ZNF609: variants seen among roughly 807,000 people sequenced by gnomAD.
ZNF609 encodes the protein zinc finger protein 609.
In ZNF609, 11 loss-of-function variants were observed where a neutral mutation model predicts 109.5. That is an observed-to-expected ratio of 0.10 (90% CI 0.06 to 0.17). The LOEUF (loss-of-function observed/expected upper bound fraction) is 0.17, where lower values mean the gene tolerates loss of function less well. Among genes scored for constraint, ZNF609 ranks in the 10% least tolerant of loss-of-function variants. The pLI, the probability that ZNF609 is intolerant of heterozygous loss-of-function variation, is 1.00. For synonymous variants in ZNF609, 646 were observed against 662.0 expected (o/e 0.98, Z 0.37); for missense variants, 1,559 against 1,772.4 (o/e 0.88, Z 2.16).
chr15:64,588,445 G>A (rs202183286), intron 2 of ZNF609, among the ~76,000 whole-genome samples: 1,358 of 23,406 alleles, frequency 0.058, no homozygotes, highest in East Asian at 0.12. Flanking sequence ...AAAAAAAAAA[G>A]AAGAGGAAGA....
intron 2 of ZNF609, among the ~76,000 whole-genome samples, chr15:64,533,270 C>T (rs1027852488): frequency 6.6e-6 from 1 of 152,086 alleles, no homozygotes; most frequent in African/African-American, 2.4e-5. Context: ...AGGCTGGTCT[C>T]GAACTCATGG....
chr15:64,546,174 CTGTT>C (rs1421991072), intron 2 of ZNF609, among the ~76,000 whole-genome samples: 2 of 152,110 alleles, frequency 1.3e-5, no homozygotes, highest in African/African-American at 4.8e-5. Flanking sequence ...TTGATACTGT[CTGTT>C]GTTTTCTTTT....
chr15:64,512,344 C>CT (rs1398330112), intron 2 of ZNF609, among the ~76,000 whole-genome samples: 1 of 151,906 alleles, frequency 6.6e-6, no homozygotes, highest in Non-Finnish European at 1.5e-5. Context: ...GCTATTTGAG[C>CT]TTTTTTTTCT....
intron 2 of ZNF609, among the ~76,000 whole-genome samples, chr15:64,524,034 G>A (rs1595707118): frequency 6.8e-6 from 1 of 146,308 alleles, no homozygotes; most frequent in Admixed American, 6.8e-5. Context: ...TCCTCATACA[G>A]TTTTTTTAAA....
At chr15:64,568,335 T>C (rs1208066674) in intron 2 of ZNF609, among the ~76,000 whole-genome samples, 1 of 152,174 alleles carries the variant, frequency 6.6e-6, no homozygotes, top group Non-Finnish European at 1.5e-5. Flanking sequence ...ACCTTATTGT[T>C]CCTTGTCACT....
rs1555413999 is a variant in ZNF609 at position 64,478,155 on chromosome 15, G to GGGGT, written c.-128+17318_-128+17319insGGTG. 4.8e-4 allele frequency among the ~76,000 whole-genome samples: 67 copies of GGGGT among 138,308 alleles called. 2 individuals carry two copies. Among genetic ancestry groups the GGGGT allele is most frequent in the East Asian group, 2.9e-3 (13 of 4,436 alleles). 90.7% of individuals were successfully genotyped at this position (138,308 alleles called of 152,430 possible). A position where few individuals can be genotyped will look rare whatever the true frequency, so the allele number is the denominator to read the frequency against. On this transcript the variant is annotated intron_variant, in intron 1 of 9. Coordinates refer to ENST00000326648, the MANE Select transcript of ZNF609 (RefSeq NM_015042.2). ...TTTTCATATTTAATTTTAGAATAAA[G>GGGGT]GTGTGTGTGTGTGTGTGTGTGTGTG...
At chr15:64,500,614 G>A in intron 2 of ZNF609, 1 of 581,230 alleles carries the variant, frequency 1.7e-6, no homozygotes, top group Admixed American at 3.1e-5. Flanking sequence ...TGGGATAAAT[G>A]GTGCTGTTGG....
At chr15:64,680,468 C>G in intron 7 of ZNF609, 108 bp downstream of exon 7, 1 of 1,439,820 alleles carries the variant, frequency 6.9e-7, no homozygotes, top group Non-Finnish European at 9.5e-7. Flanking sequence ...TGCAGCTTGG[C>G]TGACTTGACA....
intron 2 of ZNF609, among the ~76,000 whole-genome samples, chr15:64,585,239 C>T (rs955491000): frequency 6.6e-6 from 1 of 151,976 alleles, no homozygotes; most frequent in African/African-American, 2.4e-5. Flanking sequence ...GCACAAGAAT[C>T]ACTTGAACCT....
Position 64,524,580 on chromosome 15 carries a change from G to T in ZNF609, c.747+24414G>T, listed in dbSNP as rs374668213. On this transcript the variant is annotated intron_variant, in intron 2 of 9. Coordinates refer to ENST00000326648, the MANE Select transcript of ZNF609 (RefSeq NM_015042.2). ...CTCCATCTCAAAAAAAAAAAAAAAG[G>T]GGGGGGCCTTTTGTGTCTGACTCCT... 5.9e-5 allele frequency among the ~76,000 whole-genome samples: 9 copies of T among 151,568 alleles called. No individual in the cohort carries two copies. The East Asian group carries it at 1.2e-3, about 20-fold the overall frequency.
At chr15:64,629,448 G>T (rs992164862) in intron 3 of ZNF609, among the ~76,000 whole-genome samples, 1 of 152,180 alleles carries the variant, frequency 6.6e-6, no homozygotes, top group African/African-American at 2.4e-5. Context: ...TCTAGGGCTG[G>T]TATGATGACA....
chr15:64,645,278 A>AT (rs1363574140), intron 3 of ZNF609, among the ~76,000 whole-genome samples: 2 of 151,718 alleles, frequency 1.3e-5, no homozygotes, highest in Non-Finnish European at 2.9e-5. Context: ...TTTTGTAGAG[A>AT]TGGGGTCTCA....
intron 2 of ZNF609, among the ~76,000 whole-genome samples, chr15:64,548,197 C>T (rs901977502): frequency 6.6e-6 from 1 of 152,136 alleles, no homozygotes; most frequent in African/African-American, 2.4e-5. Flanking sequence ...TCAACAGTTA[C>T]AAACACAAAG....
rs960302601 is a variant in ZNF609, at chr15:64,625,519, A to G, written c.973+2467A>G. 5.9e-5 allele frequency among the ~76,000 whole-genome samples: 9 copies of G among 152,034 alleles called. No individual in the cohort carries two copies. In the East Asian group the frequency reaches 1.5e-3, roughly 26 times the overall value. On this transcript the variant is annotated intron_variant, in intron 3 of 9. Transcript: ENST00000326648. ...CAGGCAACAGAGCAAGGCTGTCTCA[A>G]AAAAAAGAAAAATATATTTGTTTGA...
At chr15:64,567,148 ATTC>A (rs1384278616) in intron 2 of ZNF609, among the ~76,000 whole-genome samples, 2 of 152,172 alleles carry the variant, frequency 1.3e-5, no homozygotes, top group African/African-American at 4.8e-5. Flanking sequence ...TTTATTTTAT[ATTC>A]TTTCAGTGGG....
intron 2 of ZNF609, among the ~76,000 whole-genome samples, chr15:64,536,997 C>T (rs375302880): frequency 4.2e-5 from 6 of 144,032 alleles, no homozygotes; most frequent in Non-Finnish European, 6.0e-5. Flanking sequence ...CCATGGTGGG[C>T]GGATCACCTG....
At chr15:64,551,413 T>G (rs969847599) in intron 2 of ZNF609, among the ~76,000 whole-genome samples, 4 of 152,082 alleles carry the variant, frequency 2.6e-5, no homozygotes, top group African/African-American at 9.7e-5. Flanking sequence ...CCCAGCACTT[T>G]GGGAGGCCGA....
intron 1 of ZNF609, among the ~76,000 whole-genome samples, chr15:64,479,755 C>T (rs1893225615): frequency 3.3e-5 from 5 of 151,832 alleles, no homozygotes; most frequent in Admixed American, 3.3e-4. Flanking sequence ...CCCGTCTCTA[C>T]TAAAAATACA....
intron 2 of ZNF609, among the ~76,000 whole-genome samples, chr15:64,595,709 T>TA (rs1250134674): frequency 1.3e-5 from 2 of 152,220 alleles, no homozygotes; most frequent in East Asian, 1.9e-4. Context: ...AGATAAATGG[T>TA]AAAAAACTGG....
Sources: gnomAD v4.1 joint callset for allele counts (sites outside exome capture counted in the v4.1 genomes callset) on GRCh38, gnomAD v4.1.1 for gene constraint, MANE v1.5 for transcripts, NCBI Gene and HGNC (gene_info 2026-07-23, HGNC 2026-07-21) for gene names.